CENPP: variants seen among roughly 807,000 people sequenced by gnomAD.
The protein encoded by CENPP is centromere protein P.
CENPP carries 24 observed loss-of-function variants against 35.6 expected under a neutral mutation model. The ratio of observed to expected loss-of-function variants is 0.67; its 90% CI spans 0.49 to 0.95. The LOEUF is 0.95. CENPP is among the 40% of genes least tolerant of loss of function. The pLI is 0.00. For missense variants in CENPP, 332 were observed against 345.3 expected, an observed-to-expected ratio of 0.96 and a Z score of 0.31; for synonymous variants, 120 against 125.5, an observed-to-expected ratio of 0.96 and a Z score of 0.29.
At chr9:92,401,272 G>A (rs1843100881) in intron 5 of CENPP, 2 of 635,050 alleles carry the variant, frequency 3.1e-6, no homozygotes, top group African/African-American at 1.9e-5. Context: ...CCTTCTCGTA[G>A]TTACAATTAG....
At chr9:92,432,197 T>C (rs557373118) in intron 5 of CENPP, among the ~76,000 whole-genome samples, 65 of 151,966 alleles carry the variant, frequency 4.3e-4, no homozygotes, top group African/African-American at 1.5e-3. Flanking sequence ...TGGTGATGGG[T>C]GCATGTAATC....
intron 5 of CENPP, among the ~76,000 whole-genome samples, chr9:92,491,984 G>C (rs1247972999): frequency 6.6e-6 from 1 of 152,148 alleles, no homozygotes; most frequent in Non-Finnish European, 1.5e-5. Flanking sequence ...CCAGACGTGA[G>C]TCCCTCCATC....
chr9:92,607,966 A>G (rs951857025), intron 5 of CENPP, among the ~76,000 whole-genome samples: 2 of 152,184 alleles, frequency 1.3e-5, no homozygotes, highest in African/African-American at 4.8e-5. Context: ...AGCTGAACAA[A>G]CACCCACTTG....
intron 5 of CENPP, among the ~76,000 whole-genome samples, chr9:92,497,695 G>GT (rs1846429749): frequency 6.6e-6 from 1 of 151,492 alleles, no homozygotes; most frequent in South Asian, 2.1e-4. Flanking sequence ...ATAAGGTTTG[G>GT]TTTTTTTGAC....
chr9:92,466,237 A>G (rs1845306650), intron 5 of CENPP: 2 of 685,488 alleles, frequency 2.9e-6, no homozygotes, highest in South Asian at 4.0e-5. Context: ...TAAATGGCTT[A>G]TCTAGGCAAA....
At chr9:92,465,526 G>T (rs1845272293) in intron 5 of CENPP, among the ~76,000 whole-genome samples, 1 of 152,168 alleles carries the variant, frequency 6.6e-6, no homozygotes, top group South Asian at 2.1e-4. Flanking sequence ...ATGAATAAAT[G>T]AATTAGTATC....
At chr9:92,601,043 G>A (rs186370352) in intron 5 of CENPP, among the ~76,000 whole-genome samples, 1 of 152,278 alleles carries the variant, frequency 6.6e-6, no homozygotes, top group East Asian at 1.9e-4. Context: ...AGGGGCAGAC[G>A]TGTGTGTCGC....
rs1367983016 is a variant in CENPP, at chr9:92,344,061, G to GGGAGAGGAGAATGAGAA, written c.379-1638_379-1637insGGAGAGGAGAATGAGAA. Among the ~76,000 whole-genome samples the GGGAGAGGAGAATGAGAA allele has an allele frequency of 2.8e-4, 42 of 151,540 alleles. 1 individual carries two copies. The highest frequency in any genetic ancestry group is 7.4e-5 in the Non-Finnish European group (5 of 67,902). On this transcript the variant is annotated intron_variant, in intron 3 of 7. Coordinates refer to ENST00000375587, the MANE Select transcript of CENPP (RefSeq NM_001012267.3). ...TCAGTTGTAGAGGAGAATGAGAACT[G>GGGAGAGGAGAATGAGAA]TGGGCTTAAGTGGACCATAGTAGAA...
At chr9:92,479,952 C>G (rs780853130) in intron 5 of CENPP, among the ~76,000 whole-genome samples, 11 of 152,062 alleles carry the variant, frequency 7.2e-5, no homozygotes, top group Non-Finnish European at 1.6e-4. Context: ...CCCTAGATAG[C>G]AGTATTTTTT....
chr9:92,601,524 G>A (rs1047990422), intron 5 of CENPP, among the ~76,000 whole-genome samples: 3 of 152,136 alleles, frequency 2.0e-5, no homozygotes, highest in Admixed American at 6.5e-5. Flanking sequence ...ACCCCATCTC[G>A]CCTCCCCCGT....
chr9:92,542,750 G>A (rs1252357954), intron 5 of CENPP, among the ~76,000 whole-genome samples: 2 of 152,158 alleles, frequency 1.3e-5, no homozygotes, highest in African/African-American at 4.8e-5. Context: ...CTGACCTCGT[G>A]ATCCACCGGC....
chr9:92,481,954 T>G (rs576519750), intron 5 of CENPP, among the ~76,000 whole-genome samples: 1 of 152,126 alleles, frequency 6.6e-6, no homozygotes, highest in Admixed American at 6.5e-5. Flanking sequence ...TATAGCAATG[T>G]TATTTTCCTA....
chr9:92,471,956 G>A (rs1404469170), intron 5 of CENPP, among the ~76,000 whole-genome samples: 1 of 152,138 alleles, frequency 6.6e-6, no homozygotes, highest in African/African-American at 2.4e-5. Flanking sequence ...CCTCACTCCT[G>A]AAGTGTAGTC....
intron 5 of CENPP, among the ~76,000 whole-genome samples, chr9:92,587,060 C>A (rs541743064): frequency 3.6e-4 from 55 of 152,166 alleles, no homozygotes; most frequent in Non-Finnish European, 7.2e-4. Flanking sequence ...CAGAATTGGA[C>A]TTACTAGACA....
intron 4 of CENPP, among the ~76,000 whole-genome samples, chr9:92,372,099 CTTTTTTTTT>C (rs71362382): frequency 2.6e-4 from 8 of 30,686 alleles, no homozygotes; most frequent in Non-Finnish European, 3.7e-4. Flanking sequence ...TGCCAGCCAT[CTTTTTTTTT>C]TTTTTTTTTT....
Position 92,517,510 on chromosome 9 carries a change from A to T in CENPP, c.565-93804A>T, listed in dbSNP as rs577170048. ...ACTATAAAGCCACAGTCTATTATTT[A>T]TATCCCCTACCATACATTTTCCCAG... On this transcript the variant is annotated intron_variant, in intron 5 of 7. Transcript: ENST00000375587. 9 of 801,508 alleles carry T rather than the reference A, an allele frequency of 1.1e-5. No individual in the cohort carries two copies. The African/African-American group carries it at 1.2e-4, about 11-fold the overall frequency. The allele number at this position is 801,508 out of a possible 1,614,324, so 49.6% of individuals were successfully genotyped here. A position where few individuals can be genotyped will look rare whatever the true frequency, so the allele number is the denominator to read the frequency against.
chr9:92,572,706 C>T (rs1340980176), intron 5 of CENPP, among the ~76,000 whole-genome samples: 3 of 152,130 alleles, frequency 2.0e-5, no homozygotes, highest in African/African-American at 7.2e-5. Context: ...TTCCATTCTC[C>T]CCGTCACTTT....
At chr9:92,442,224 C>G (rs1262537079) in intron 5 of CENPP, among the ~76,000 whole-genome samples, 1 of 151,646 alleles carries the variant, frequency 6.6e-6, no homozygotes, top group Non-Finnish European at 1.5e-5. Context: ...ATGGAGAAAC[C>G]CCGTCTCTAC....
chr9:92,509,601 C>T (rs1330647240), intron 5 of CENPP, among the ~76,000 whole-genome samples: 1 of 152,146 alleles, frequency 6.6e-6, no homozygotes, highest in Non-Finnish European at 1.5e-5. Flanking sequence ...GAATATTTAG[C>T]GTAATTCTTC....
Sources: allele counts gnomAD v4.1 joint callset (sites outside exome capture counted in the v4.1 genomes callset), GRCh38; gene constraint gnomAD v4.1.1; transcripts MANE v1.5; gene names NCBI Gene and HGNC (gene_info 2026-07-23, HGNC 2026-07-21).